Variants in NCOA1 observed in about 807,000 individuals in gnomAD.
NCOA1 encodes the protein Hin-2 protein.
A neutral mutation model predicts 150.9 loss-of-function variants in NCOA1; 35 were observed. The ratio of observed to expected loss-of-function variants is 0.23; its 90% confidence interval spans 0.18 to 0.31. NCOA1 has a LOEUF of 0.31. NCOA1 is among the 10% of genes least tolerant of loss of function. NCOA1 has a pLI of 1.00. For missense variants in NCOA1, 1,491 were observed against 1,749.3 expected (o/e 0.85, Z 2.63); for synonymous variants, 590 against 630.0 (o/e 0.94, Z 0.95).
chr2:24,506,718 A>G (rs2148092179), intron 1 of NCOA1, among the ~76,000 whole-genome samples: 2 of 152,320 alleles, frequency 1.3e-5, no homozygotes, highest in Admixed American at 1.3e-4. Context: ...CACTCTAGCA[A>G]GTATGTATCC....
At chr2:24,704,473 G>T (rs1313846580) in intron 11 of NCOA1, among the ~76,000 whole-genome samples, 1 of 152,144 alleles carries the variant, frequency 6.6e-6, no homozygotes, top group Admixed American at 6.6e-5. Context: ...GCTGCCCCCA[G>T]TATAGAGAAA....
chr2:24,735,739 C>T (rs1375484803), intron 17 of NCOA1, among the ~76,000 whole-genome samples: 2 of 152,008 alleles, frequency 1.3e-5, no homozygotes, highest in Non-Finnish European at 2.9e-5. Flanking sequence ...TTAAAAAGAG[C>T]AACAAGAAGG....
chr2:24,553,154 T>A (rs560835577), intron 1 of NCOA1, among the ~76,000 whole-genome samples: 89 of 152,294 alleles, frequency 5.8e-4, no homozygotes, highest in African/African-American at 2.0e-3. Context: ...AGGTTGAGGA[T>A]GTTCTCTTCT....
chr2:24,552,321 T>TTTTATA (rs1262879918), intron 1 of NCOA1, among the ~76,000 whole-genome samples: 4 of 30,582 alleles, frequency 1.3e-4, no homozygotes, highest in Non-Finnish European at 1.7e-4. Flanking sequence ...TTCATATATA[T>TTTTATA]TATATATATA....
intron 1 of NCOA1, among the ~76,000 whole-genome samples, chr2:24,559,065 A>T (rs1666193597): frequency 6.6e-6 from 1 of 152,196 alleles, no homozygotes; most frequent in African/African-American, 2.4e-5. Context: ...GTTACATAAA[A>T]GTTGAATCAG....
Position 24,578,801 on chromosome 2 carries a change from A to T in NCOA1, c.-259-5675A>T, listed in dbSNP as rs527932081. On this transcript the variant is annotated intron_variant, in intron 2 of 22. Transcript: ENST00000348332. ...AATTGACCCTAAGTAAATAAAGAAT[A>T]AAAAAAAGCTATATTAGAGCTGCAT... Among the ~76,000 whole-genome samples, 109 of 152,072 alleles carry T rather than the reference A, an allele frequency of 7.2e-4. 1 individual carries two copies. In the South Asian group the frequency reaches 8.5e-3, roughly 12 times the overall value.
At chr2:24,626,062 A>G (rs1228127692) in intron 3 of NCOA1, among the ~76,000 whole-genome samples, 1 of 152,120 alleles carries the variant, frequency 6.6e-6, no homozygotes, top group Non-Finnish European at 1.5e-5. Context: ...TTTTTGTTTT[A>G]GAGGGGTCTG....
intron 3 of NCOA1, among the ~76,000 whole-genome samples, chr2:24,603,410 A>G (rs1379405720): frequency 6.6e-6 from 1 of 152,174 alleles, no homozygotes; most frequent in Non-Finnish European, 1.5e-5. Flanking sequence ...TTCACAAAAG[A>G]TTTCTCTGTA....
At chr2:24,610,868 A>AT (rs146321113) in intron 3 of NCOA1, among the ~76,000 whole-genome samples, 8,466 of 151,690 alleles carry the variant, frequency 0.056, 319 homozygotes, top group Non-Finnish European at 0.08. Context: ...TCCAGGGAAG[A>AT]TTTTTTATTT....
chr2:24,633,569 A>T (rs1431961306), intron 3 of NCOA1, among the ~76,000 whole-genome samples: 1 of 152,220 alleles, frequency 6.6e-6, no homozygotes, highest in Non-Finnish European at 1.5e-5. Context: ...ACTCATTTAA[A>T]GAATAGGAAA....
chr2:24,575,486 A>C (rs956980273), intron 2 of NCOA1, among the ~76,000 whole-genome samples: 2 of 151,560 alleles, frequency 1.3e-5, no homozygotes, highest in African/African-American at 4.8e-5. Flanking sequence ...TCATATTTAC[A>C]TGTCTGGTAA....
chr2:24,736,394 G>T (rs1236704112), intron 17 of NCOA1, among the ~76,000 whole-genome samples: 1 of 151,922 alleles, frequency 6.6e-6, no homozygotes, highest in East Asian at 1.9e-4. Context: ...AACAAATATG[G>T]TATACTTAGC....
intron 4 of NCOA1, among the ~76,000 whole-genome samples, chr2:24,647,201 G>A (rs1670515630): frequency 6.6e-6 from 1 of 152,074 alleles, no homozygotes. Flanking sequence ...ATTTTGATGT[G>A]GAGGCCAAAG....
chr2:24,564,900 A>G (rs1477944561), intron 2 of NCOA1, among the ~76,000 whole-genome samples: 1 of 152,186 alleles, frequency 6.6e-6, no homozygotes, highest in Non-Finnish European at 1.5e-5. Context: ...TGAGAAAAGG[A>G]ACTGAATGCA....
intron 19 of NCOA1, among the ~76,000 whole-genome samples, chr2:24,743,719 T>C (rs1277183469): frequency 6.6e-6 from 1 of 152,142 alleles, no homozygotes; most frequent in Non-Finnish European, 1.5e-5. Flanking sequence ...GCATCCCCAT[T>C]CCTCCTCCAA....
chr2:24,665,664 C>A, intron 5 of NCOA1, 85 bp from the exon 6 acceptor site: 2 of 1,055,900 alleles, frequency 1.9e-6, no homozygotes, highest in Non-Finnish European at 2.5e-6. Context: ...AAAGATCTCA[C>A]TAAATGTGTA....
chr2:24,642,044 G>GCGCA (rs1279380239), intron 3 of NCOA1, among the ~76,000 whole-genome samples: 1 of 151,126 alleles, frequency 6.6e-6, no homozygotes, highest in Non-Finnish European at 1.5e-5. Context: ...GTGTGCGCGC[G>GCGCA]TGCGTATGTG....
chr2:24,598,300 T>TA (rs1264662309), intron 3 of NCOA1, among the ~76,000 whole-genome samples: 1 of 152,086 alleles, frequency 6.6e-6, no homozygotes, highest in East Asian at 1.9e-4. Flanking sequence ...AAATTAGCTA[T>TA]AAAAAATTGA....
At chr2:24,506,923 G>T (rs899807828) in intron 1 of NCOA1, among the ~76,000 whole-genome samples, 3 of 152,096 alleles carry the variant, frequency 2.0e-5, no homozygotes, top group Admixed American at 2.0e-4. Flanking sequence ...TTGTTCTTTG[G>T]TGTAATGCAA....
Sources: allele counts gnomAD v4.1 joint callset (sites outside exome capture counted in the v4.1 genomes callset), GRCh38; gene constraint gnomAD v4.1.1; transcripts MANE v1.5; gene names NCBI Gene and HGNC (gene_info 2026-07-23, HGNC 2026-07-21).